Variants in GSAP observed in about 807,000 individuals in gnomAD.
GSAP encodes the protein gamma-secretase activating protein.
Under a neutral mutation model 131.7 loss-of-function variants are expected in GSAP, and 118 were observed. The observed-to-expected ratio is 0.90, with a 90% CI of 0.77 to 1.04. GSAP has a LOEUF of 1.04. GSAP is among the 50% of genes least tolerant of loss of function. The probability of loss-of-function intolerance (pLI) is 0.00; values close to 1 mark genes in which losing one functional copy is unlikely to be tolerated. For synonymous variants in GSAP, 381 were observed against 363.4 expected, an observed-to-expected ratio of 1.05 and a Z score of -0.55; for missense variants, 1,019 against 1,013.2, an observed-to-expected ratio of 1.01 and a Z score of -0.08.
chr7:77,341,866 G>A (rs748926754), intron 19 of GSAP, among the ~76,000 whole-genome samples: 3 of 152,126 alleles, frequency 2.0e-5, no homozygotes, highest in Middle Eastern at 3.2e-3. Context: ...TGCCTCCACC[G>A]TGAGAGAAAC....
In GSAP at chr7:77,374,083, A is replaced by G; in HGVS notation, c.858T>C (p.Phe286=). The G allele has an allele frequency of 6.4e-7, 1 of 1,562,964 alleles. No homozygotes were observed. Among genetic ancestry groups the G allele is most frequent in the South Asian group, 1.1e-5 (1 of 88,330 alleles). ...ACCCTAGTTTACCTGTATGGTTGGTAAAAACACACAGAGTCAGGTGTTTGG... is the reference window on the plus strand; with the variant it reads ...ACCCTAGTTTACCTGTATGGTTGGTGAAAACACACAGAGTCAGGTGTTTGG... ...KFSKHLTLCV[F]TNHTGSLCVC... The change falls in exon 12 of 31, where the codon TTT becomes TTC. Residue 286 remains phenylalanine, a synonymous_variant. Transcript: ENST00000257626.
At chr7:77,339,976 T>G (rs991364923) in intron 19 of GSAP, among the ~76,000 whole-genome samples, 1 of 152,244 alleles carries the variant, frequency 6.6e-6, no homozygotes, top group South Asian at 2.1e-4. Context: ...TCATATCCCC[T>G]GTGACCTACA....
In GSAP at chr7:77,362,484, C is replaced by T. The variant is rs149223502; in HGVS notation, c.949+99G>A. The T allele has an allele frequency of 2.4e-4, 163 of 667,418 alleles. No individual in the cohort carries two copies. In the African/African-American group the frequency reaches 2.8e-3, roughly 11 times the overall value. The allele number at this position is 667,418 out of a possible 1,614,324, so 41.3% of individuals were successfully genotyped here. A position where few individuals can be genotyped will look rare whatever the true frequency, so the allele number is the denominator to read the frequency against. On this transcript the variant is annotated intron_variant, in intron 13 of 30. Coordinates refer to ENST00000257626, the MANE Select transcript of GSAP (RefSeq NM_017439.4). ...CCTGGGTGACAAAGGGAGACCCTGT[C>T]TCCAAAAAATTACTAATAACACTGT...
At chr7:77,382,487 G>A (rs1343697782) in intron 7 of GSAP, 87 bp downstream of exon 7, 21 of 715,574 alleles carry the variant, frequency 2.9e-5, no homozygotes, top group Non-Finnish European at 4.1e-5. Flanking sequence ...ATGGCAGGTG[G>A]ATATCTAGAA....
intron 12 of GSAP, among the ~76,000 whole-genome samples, chr7:77,370,110 A>G (rs542475357): frequency 6.6e-6 from 1 of 152,328 alleles, no homozygotes; most frequent in African/African-American, 2.4e-5. Context: ...AAAGGAATAA[A>G]AAGCCACACT....
intron 19 of GSAP, among the ~76,000 whole-genome samples, chr7:77,345,520 T>C (rs1346523550): frequency 6.6e-6 from 1 of 152,198 alleles, no homozygotes; most frequent in Admixed American, 6.5e-5. Flanking sequence ...CCAGATGGCC[T>C]GAAGGAAGTG....
chr7:77,397,389 C>G lies in GSAP; in HGVS notation c.270G>C (p.Leu90Phe). 6 of 1,603,924 alleles carry G rather than the reference C, an allele frequency of 3.7e-6. No homozygotes were observed. The highest frequency in any genetic ancestry group is 5.1e-6 in the Non-Finnish European group (6 of 1,172,426). Residue 90 changes from leucine (L) to phenylalanine (F), a missense_variant, in exon 4 of 31, where the codon TTG becomes TTC. Physicochemically the swap from Leu to Phe is conservative, Grantham distance 22. Coordinates refer to ENST00000257626, the MANE Select transcript of GSAP (RefSeq NM_017439.4). ...NELLYTFEKD[L>F]QVFSCSVNSE... ...TGTTGACAGAGCAACTGAAAACTTG[C>G]AAGTCTTTCTCAAAGGTATATAGAA...
Position 77,377,399 on chromosome 7 carries a change from G to GAAAAA in GSAP, c.577-10_577-9insTTTTT. 1 of 948,216 alleles carries GAAAAA rather than the reference G, an allele frequency of 1.1e-6. No homozygotes were observed. Among genetic ancestry groups the GAAAAA allele is most frequent in the Non-Finnish European group, 1.3e-6 (1 of 789,550 alleles). 58.7% of individuals were successfully genotyped at this position (948,216 alleles called of 1,614,324 possible). On this transcript the variant is annotated splice_polypyrimidine_tract_variant and intron_variant, in intron 8 of 30. Coordinates refer to ENST00000257626, the MANE Select transcript of GSAP (RefSeq NM_017439.4). ...CCAGAATTTTTAATCACCTAAAAAT[G>GAAAAA]CAAAAAAAAAAAAAAAAAAAAAAGT...
chr7:77,415,350 T>A (rs1463974115), intron 1 of GSAP, among the ~76,000 whole-genome samples: 2 of 152,208 alleles, frequency 1.3e-5, no homozygotes, highest in African/African-American at 4.8e-5. Flanking sequence ...ACACACAAGG[T>A]GAGACCTACA....
chr7:77,401,410 T>C (rs1801290049), intron 3 of GSAP, among the ~76,000 whole-genome samples: 2 of 151,934 alleles, frequency 1.3e-5, no homozygotes, highest in Admixed American at 1.3e-4. Flanking sequence ...AGATTTCTCA[T>C]GAGAAACCAG....
rs765796731 is a variant in GSAP at position 77,329,374 on chromosome 7, CCTT to C, written c.1689_1691del (p.Arg564del). ...GAATATTCCTCACGTATGCCGCAGA[CCTT>C]CTTTTTCCTGTTTTCTAGGAGTGAG... is the stretch of plus-strand genomic sequence containing the variant. On this transcript the variant is annotated inframe_deletion, in exon 21 of 31. Coordinates refer to ENST00000257626, the MANE Select transcript of GSAP (RefSeq NM_017439.4). 4.4e-6 allele frequency: 7 copies of C among 1,583,638 alleles called. No homozygotes were observed. The highest frequency in any genetic ancestry group is 4.6e-5 in the East Asian group (2 of 43,838).
At chr7:77,413,551 C>G (rs535858893) in intron 1 of GSAP, among the ~76,000 whole-genome samples, 1 of 152,324 alleles carries the variant, frequency 6.6e-6, no homozygotes, top group South Asian at 2.1e-4. Context: ...AATTAATAAC[C>G]TGCAGCTAGC....
At chr7:77,398,867 GC>G (rs1800858027) in intron 3 of GSAP, among the ~76,000 whole-genome samples, 1 of 152,158 alleles carries the variant, frequency 6.6e-6, no homozygotes, top group African/African-American at 2.4e-5. Flanking sequence ...CTATATTTAT[GC>G]ACTTATATTA....
intron 7 of GSAP, among the ~76,000 whole-genome samples, chr7:77,381,971 C>G (rs931823759): frequency 2.0e-5 from 3 of 150,416 alleles, no homozygotes; most frequent in African/African-American, 7.4e-5. Context: ...CCCCTCAAGC[C>G]TGTCCTTCCA....
chr7:77,339,618 T>C (rs1437924597), intron 19 of GSAP, among the ~76,000 whole-genome samples: 1 of 151,780 alleles, frequency 6.6e-6, no homozygotes, highest in Non-Finnish European at 1.5e-5. Flanking sequence ...CAGAGCCAAA[T>C]ACAAAAGCTA....
intron 14 of GSAP, among the ~76,000 whole-genome samples, chr7:77,357,034 T>A (rs1250312313): frequency 6.6e-6 from 1 of 152,176 alleles, no homozygotes; most frequent in African/African-American, 2.4e-5. Flanking sequence ...ATGGAAAGGG[T>A]ATCGGCATCA....
In GSAP at chr7:77,397,394, C is replaced by A. The variant is rs766922380; in HGVS notation, c.265G>T (p.Asp89Tyr). ...ACAGAGCAACTGAAAACTTGCAAGT[C>A]TTTCTCAAAGGTATATAGAAGCTAT... ...QNELLYTFEKDLQVFSCSVNS... is the reference protein window; with the variant it reads ...QNELLYTFEKYLQVFSCSVNS... The change falls in exon 4 of 31, where the codon GAC becomes TAC. Residue 89 changes from aspartate to tyrosine, a missense_variant. Asp to Tyr is a radical substitution (Grantham distance 160). Transcript: ENST00000257626. 6.2e-6 allele frequency: 10 copies of A among 1,601,936 alleles called. No individual in the cohort carries two copies. Among genetic ancestry groups the A allele is most frequent in the South Asian group, 1.1e-5 (1 of 89,984 alleles).
intron 19 of GSAP, chr7:77,330,974 G>A (rs2150685805): frequency 2.2e-6 from 1 of 456,750 alleles, no homozygotes; most frequent in Non-Finnish European, 2.9e-6. Context: ...AAGCAAGAAT[G>A]TATCCATTAT....
intron 26 of GSAP, chr7:77,315,466 C>T (rs1739373966): frequency 6.6e-6 from 1 of 152,302 alleles, no homozygotes; most frequent in Middle Eastern, 3.4e-3. Context: ...TGTACCAAGG[C>T]TTTCAACCTG....
Sources: allele counts gnomAD v4.1 joint callset (sites outside exome capture counted in the v4.1 genomes callset), GRCh38; gene constraint gnomAD v4.1.1; transcripts MANE v1.5; gene names NCBI Gene and HGNC (gene_info 2026-07-23, HGNC 2026-07-21).